The following SMYD3 variants were observed in gnomAD, a reference collection of about 807,000 sequenced individuals.
SMYD3 encodes the protein SET and MYND domain containing 3, also known as histone-lysine N-methyltransferase SMYD3.
In SMYD3, 36 loss-of-function variants were observed where a neutral mutation model predicts 57.7. The ratio of observed to expected loss-of-function variants is 0.62; its 90% CI spans 0.48 to 0.82. The LOEUF (loss-of-function observed/expected upper bound fraction) is 0.82. Ranked by LOEUF, SMYD3 falls within the 40% of genes least tolerant of loss-of-function variation. The pLI is 0.00. For missense variants in SMYD3, 515 were observed against 538.8 expected (o/e 0.96, Z 0.44); for synonymous variants, 211 against 195.0 (o/e 1.08, Z -0.68).
intron 8 of SMYD3, among the ~76,000 whole-genome samples, chr1:245,867,420 C>T (rs532786218): frequency 6.6e-6 from 1 of 152,310 alleles, no homozygotes; most frequent in East Asian, 1.9e-4. Flanking sequence ...AAAATGTAGT[C>T]CCTAACATAC....
At position 246,224,684 on chromosome 1, in the gene SMYD3, T is replaced by C. The variant is rs115578182; in HGVS notation, c.531+102517A>G. On this transcript the variant is annotated intron_variant, in intron 5 of 11. Transcript: ENST00000490107. ...GACTACTATGATTGCTCAGGCAAGA[T>C]ATGATGTTACGTTAGACTATACTGG... Among the ~76,000 whole-genome samples, 707 of 151,876 alleles carry C rather than the reference T, an allele frequency of 4.7e-3. 9 individuals carry two copies. The highest frequency in any genetic ancestry group is 0.015 in the African/African-American group (633 of 41,380).
intron 1 of SMYD3, among the ~76,000 whole-genome samples, chr1:246,393,141 A>G (rs1323344997): frequency 6.6e-6 from 1 of 152,212 alleles, no homozygotes; most frequent in Non-Finnish European, 1.5e-5. Context: ...TATTTTAGAA[A>G]GAAGGAAAAT....
intron 5 of SMYD3, among the ~76,000 whole-genome samples, chr1:245,967,783 G>A (rs1388019231): frequency 6.6e-6 from 1 of 152,198 alleles, no homozygotes; most frequent in Non-Finnish European, 1.5e-5. Context: ...ATTAAATGCA[G>A]ATAATTCCAT....
chr1:245,839,550 G>A (rs1449236103), intron 10 of SMYD3, among the ~76,000 whole-genome samples: 1 of 152,094 alleles, frequency 6.6e-6, no homozygotes, highest in Non-Finnish European at 1.5e-5. Context: ...GTAAGAGAAT[G>A]AGGGGGTGAC....
Position 246,002,742 on chromosome 1 carries a change from A to G in SMYD3, c.532-72805T>C, listed in dbSNP as rs369705267. 6.1e-3 allele frequency among the ~76,000 whole-genome samples: 907 copies of G among 149,230 alleles called. 39 individuals carry two copies. Among genetic ancestry groups the G allele is most frequent in the African/African-American group, 0.022 (856 of 39,040 alleles). On this transcript the variant is annotated intron_variant, in intron 5 of 11. Transcript: ENST00000490107. ...GCTGGGATGACAGGCGCCCGCCACC[A>G]CGCCCGGCCCATTATTATTTCTTTA... is the stretch of plus-strand genomic sequence containing the variant.
chr1:245,921,572 CACAT>C lies in SMYD3; in HGVS notation c.703-5936_703-5933del, dbSNP rs992505639. 1.5e-3 allele frequency among the ~76,000 whole-genome samples: 215 copies of C among 139,996 alleles called. 4 individuals carry two copies. Among genetic ancestry groups the C allele is most frequent in the African/African-American group, 5.4e-3 (199 of 36,866 alleles). 91.8% of individuals were successfully genotyped at this position (139,996 alleles called of 152,430 possible). A position where few individuals can be genotyped will look rare whatever the true frequency, so the allele number is the denominator to read the frequency against. ...GTGTATATATATATATATATATATA[CACAT>C]ACCATGGAATAGTATGCAGCCATAA... On this transcript the variant is annotated intron_variant, in intron 7 of 11. Coordinates refer to ENST00000490107, the MANE Select transcript of SMYD3 (RefSeq NM_001167740.2).
intron 1 of SMYD3, among the ~76,000 whole-genome samples, chr1:246,477,111 G>A (rs913707977): frequency 4.6e-5 from 7 of 152,156 alleles, no homozygotes; most frequent in Non-Finnish European, 7.4e-5. Context: ...AAATTAAAAT[G>A]TTTAATTCCT....
chr1:246,185,386 G>A (rs540981972), intron 5 of SMYD3, among the ~76,000 whole-genome samples: 95 of 150,256 alleles, frequency 6.3e-4, no homozygotes, highest in African/African-American at 2.0e-3. Flanking sequence ...GCAGGTGCCC[G>A]CCAACACGCC....
chr1:245,770,345 G>A (rs2046286380), intron 10 of SMYD3, among the ~76,000 whole-genome samples: 1 of 152,114 alleles, frequency 6.6e-6, no homozygotes, highest in South Asian at 2.1e-4. Context: ...TGGAATTCAG[G>A]GATCAACAAT....
At chr1:246,227,136 T>C (rs1055371584) in intron 5 of SMYD3, among the ~76,000 whole-genome samples, 4 of 152,184 alleles carry the variant, frequency 2.6e-5, no homozygotes, top group African/African-American at 7.2e-5. Context: ...AGTAAAATGG[T>C]AGACCCTGAG....
chr1:246,055,863 G>A (rs2060142546), intron 5 of SMYD3, among the ~76,000 whole-genome samples: 1 of 152,136 alleles, frequency 6.6e-6, no homozygotes, highest in African/African-American at 2.4e-5. Context: ...AAAGGGGAAT[G>A]GGGAGTTATC....
intron 7 of SMYD3, among the ~76,000 whole-genome samples, chr1:245,924,830 T>C (rs1227073876): frequency 6.6e-6 from 1 of 151,868 alleles, no homozygotes; most frequent in Non-Finnish European, 1.5e-5. Context: ...ACCTGGCTAA[T>C]TTTTTGTATT....
At chr1:246,179,934 T>C (rs1279682909) in intron 5 of SMYD3, among the ~76,000 whole-genome samples, 2 of 152,194 alleles carry the variant, frequency 1.3e-5, no homozygotes, top group Non-Finnish European at 2.9e-5. Flanking sequence ...TCAGATGCAA[T>C]GTTCTTCAAA....
At chr1:245,930,012 T>A in intron 5 of SMYD3, 75 bp from the exon 6 acceptor site, 1 of 1,307,912 alleles carries the variant, frequency 7.6e-7, no homozygotes, top group Non-Finnish European at 1.1e-6. Context: ...ATAAAAAACG[T>A]TCAAACCCAA....
chr1:246,059,987 T>A (rs1171054973), intron 5 of SMYD3, among the ~76,000 whole-genome samples: 1 of 149,530 alleles, frequency 6.7e-6, no homozygotes, highest in Non-Finnish European at 1.5e-5. Flanking sequence ...TATATTGCTT[T>A]AAAAAAAAAA....
At chr1:246,035,163 A>C (rs1055652998) in intron 5 of SMYD3, 3 of 152,198 alleles carry the variant, frequency 2.0e-5, no homozygotes, top group Non-Finnish European at 4.4e-5. Context: ...GGATCCATAC[A>C]CTGTCCAACT....
At chr1:245,844,730 G>C (rs1379819355) in intron 10 of SMYD3, among the ~76,000 whole-genome samples, 1 of 115,508 alleles carries the variant, frequency 8.7e-6, no homozygotes, top group Non-Finnish European at 1.8e-5. Context: ...TAGTTCGAAT[G>C]AAAGGCCAAG....
At chr1:245,940,036 A>G (rs2057163072) in intron 5 of SMYD3, among the ~76,000 whole-genome samples, 3 of 152,148 alleles carry the variant, frequency 2.0e-5, no homozygotes, top group African/African-American at 7.2e-5. Context: ...TCATGGCCAG[A>G]CTGTTTCTTT....
chr1:246,149,249 A>T (rs1339073599), intron 5 of SMYD3, among the ~76,000 whole-genome samples: 1 of 152,232 alleles, frequency 6.6e-6, no homozygotes, highest in Admixed American at 6.5e-5. Flanking sequence ...AGAAACTGAG[A>T]TGCAGAAATG....
Sources: allele counts gnomAD v4.1 joint callset (sites outside exome capture counted in the v4.1 genomes callset), GRCh38; gene constraint gnomAD v4.1.1; transcripts MANE v1.5; gene names NCBI Gene and HGNC (gene_info 2026-07-23, HGNC 2026-07-21).